Variants in ADAM29 observed in about 807,000 individuals in gnomAD.
ADAM29 encodes the protein disintegrin and metalloproteinase domain-containing protein 29.
For synonymous variants in ADAM29, 367 were observed against 342.3 expected (o/e 1.07, Z -0.80); for missense variants, 969 against 1,001.8 (o/e 0.97, Z 0.44).
intron 4 of ADAM29, among the ~76,000 whole-genome samples, chr4:174,971,504 T>C (rs758863250): frequency 8.5e-5 from 13 of 152,216 alleles, no homozygotes; most frequent in Non-Finnish European, 1.5e-4. Flanking sequence ...GCAGTTTCTT[T>C]TCTTTTAGAA....
intron 4 of ADAM29, among the ~76,000 whole-genome samples, chr4:174,957,491 G>A (rs1238971890): frequency 6.6e-6 from 1 of 151,814 alleles, no homozygotes; most frequent in African/African-American, 2.4e-5. Context: ...TACCATTTCA[G>A]GGACAAACTG....
At chr4:174,973,261 T>A (rs1560893143) in intron 4 of ADAM29, among the ~76,000 whole-genome samples, 1 of 152,182 alleles carries the variant, frequency 6.6e-6, no homozygotes, top group Non-Finnish European at 1.5e-5. Flanking sequence ...TTTAAAAATT[T>A]TGGAGTACTG....
chr4:174,943,401 T>C (rs1318769772), intron 4 of ADAM29, among the ~76,000 whole-genome samples: 1 of 152,202 alleles, frequency 6.6e-6, no homozygotes, highest in African/African-American at 2.4e-5. Context: ...GTAATTTATT[T>C]TTAAAAAGAA....
chr4:174,965,133 A>G (rs1326769500), intron 4 of ADAM29, among the ~76,000 whole-genome samples: 1 of 152,162 alleles, frequency 6.6e-6, no homozygotes, highest in Non-Finnish European at 1.5e-5. Context: ...TATAAAGAAA[A>G]GAGGTTTATT....
At position 174,944,743 on chromosome 4, in the gene ADAM29, C is replaced by T. The variant is rs556005930; in HGVS notation, c.-181+7730C>T. Reference sequence around the variant, plus strand: ...TCTATCCTTTGTGTCCATGTGTACTCGATGTTTAGCTCCCACTTATAAGTG... The same window carrying T: ...TCTATCCTTTGTGTCCATGTGTACTTGATGTTTAGCTCCCACTTATAAGTG... On this transcript the variant is annotated intron_variant, in intron 4 of 4. Coordinates refer to ENST00000359240, the MANE Select transcript of ADAM29 (RefSeq NM_014269.4). Among the ~76,000 whole-genome samples the T allele has an allele frequency of 2.1e-4, 32 of 152,246 alleles. No homozygotes were observed. In the East Asian group the frequency reaches 3.5e-3, roughly 17 times the overall value.
intron 4 of ADAM29, among the ~76,000 whole-genome samples, chr4:174,949,229 C>G (rs1009823973): frequency 6.6e-6 from 1 of 152,106 alleles, no homozygotes; most frequent in African/African-American, 2.4e-5. Flanking sequence ...CTGCTCTGCT[C>G]TGTCCAGGTC....
At chr4:174,957,219 T>G (rs1745557617) in intron 4 of ADAM29, among the ~76,000 whole-genome samples, 1 of 151,892 alleles carries the variant, frequency 6.6e-6, no homozygotes, top group African/African-American at 2.4e-5. Context: ...TGTATTCTTT[T>G]GTGTTATGAA....
chr4:174,962,001 ACATT>A (rs1306339688), intron 4 of ADAM29, among the ~76,000 whole-genome samples: 4 of 152,158 alleles, frequency 2.6e-5, no homozygotes, highest in Admixed American at 2.0e-4. Context: ...TTTTATAGAA[ACATT>A]CATAGCAAGT....
At position 174,975,422 on chromosome 4, in the gene ADAM29, A is replaced by G. The variant is rs1187728932; in HGVS notation, c.-104A>G. ...AGCACTACACACTGACCAACTCAGA[A>G]GAAGGAGCCACACCACCTGTGACTC... On this transcript the variant is annotated 5_prime_UTR_variant, in exon 5 of 5. Transcript: ENST00000359240. 14 of 1,205,264 alleles carry G rather than the reference A, an allele frequency of 1.2e-5. No individual in the cohort carries two copies. Among genetic ancestry groups the G allele is most frequent in the Non-Finnish European group, 1.6e-5 (14 of 888,468 alleles). 74.7% of individuals were successfully genotyped at this position (1,205,264 alleles called of 1,614,324 possible). A position where few individuals can be genotyped will look rare whatever the true frequency, so the allele number is the denominator to read the frequency against.
chr4:174,922,042 T>C (rs956542474), intron 2 of ADAM29, among the ~76,000 whole-genome samples: 5 of 152,218 alleles, frequency 3.3e-5, no homozygotes, highest in Admixed American at 6.5e-5. Context: ...ATGATTCTTT[T>C]TAACCTTTGG....
At position 174,977,661 on chromosome 4, in the gene ADAM29, T is replaced by C; in HGVS notation, c.2136T>C (p.Thr712=). Residue 712 remains threonine, a synonymous_variant, in exon 5 of 5, where the codon ACT becomes ACC. Transcript: ENST00000359240. Reference sequence around the variant, plus strand: ...TAAAAAAGCAGCAAGATGTTCAAACTCCATCTGCAAAAGAAGAGGAAAAAA... The same window carrying C: ...TAAAAAAGCAGCAAGATGTTCAAACCCCATCTGCAAAAGAAGAGGAAAAAA... ...KPIKKQQDVQ[T]PSAKEEEKIQ... 1 of 1,614,236 alleles carries C rather than the reference T, an allele frequency of 6.2e-7. No individual in the cohort carries two copies.
rs1746857241 is a variant in ADAM29 at position 174,976,984 on chromosome 4, T to C, written c.1459T>C (p.Cys487Arg). The change falls in exon 5 of 5, where the codon TGT becomes CGT. Residue 487 changes from cysteine to arginine, a missense_variant. Transcript: ENST00000359240. ...DDFYVEDGIP[C>R]KERGYCYEKS... ...CTTTTATGTGGAAGATGGAATTCCC[T>C]GTAAGGAGAGGGGCTACTGCTATGA... 6.2e-7 allele frequency: 1 copy of C among 1,614,126 alleles called. No homozygotes were observed. Among genetic ancestry groups the C allele is most frequent in the Non-Finnish European group, 8.5e-7 (1 of 1,180,016 alleles).
Position 174,976,705 on chromosome 4 carries a change from A to T in ADAM29, c.1180A>T (p.Ile394Phe), listed in dbSNP as rs1475815596. Reference sequence around the variant, plus strand: ...GCTTGAAACAGTACACACAAAGGACATCTTTAATGTGAAGCGCTGTGGGAA... The same window carrying T: ...GCTTGAAACAGTACACACAAAGGACTTCTTTAATGTGAAGCGCTGTGGGAA... The part of the protein sequence containing the change: ...CLLETVHTKD[I>F]FNVKRCGNGV... Residue 394 changes from isoleucine to phenylalanine, a missense_variant, in exon 5 of 5, where the codon ATC becomes TTC. Physicochemically the swap from Ile to Phe is conservative, Grantham distance 21. Coordinates refer to ENST00000359240, the MANE Select transcript of ADAM29 (RefSeq NM_014269.4). 2 of 1,614,076 alleles carry T rather than the reference A, an allele frequency of 1.2e-6. No individual in the cohort carries two copies. Among genetic ancestry groups the T allele is most frequent in the South Asian group, 1.1e-5 (1 of 91,064 alleles).
chr4:174,954,014 C>A (rs1184161989), intron 4 of ADAM29, among the ~76,000 whole-genome samples: 1 of 152,066 alleles, frequency 6.6e-6, no homozygotes, highest in African/African-American at 2.4e-5. Context: ...GCCTGGCCCC[C>A]ATCTTTATTA....
At chr4:174,949,034 G>A (rs1005279407) in intron 4 of ADAM29, among the ~76,000 whole-genome samples, 5 of 152,138 alleles carry the variant, frequency 3.3e-5, no homozygotes, top group African/African-American at 1.2e-4. Flanking sequence ...GTAAGGATTA[G>A]TCTGCTGGAG....
chr4:174,928,474 C>T (rs766378969), intron 2 of ADAM29, among the ~76,000 whole-genome samples: 8 of 148,056 alleles, frequency 5.4e-5, no homozygotes, highest in Non-Finnish European at 1.2e-4. Flanking sequence ...ATGTCACAAA[C>T]GACTGCATTG....
intron 4 of ADAM29, among the ~76,000 whole-genome samples, chr4:174,947,310 T>TTCC (rs1744913198): frequency 6.6e-6 from 1 of 152,188 alleles, no homozygotes; most frequent in Non-Finnish European, 1.5e-5. Context: ...TGGTTTGCTA[T>TTCC]TATTTTCCTA....
chr4:174,918,903 C>G (rs1743018844), intron 1 of ADAM29: 1 of 152,146 alleles, frequency 6.6e-6, no homozygotes, highest in African/African-American at 2.4e-5. Context: ...TATTTTACAG[C>G]TGTAAATCTG....
intron 3 of ADAM29, among the ~76,000 whole-genome samples, chr4:174,932,384 A>G (rs11133062): frequency 0.4 from 60,789 of 152,116 alleles, 13,751 homozygotes; most frequent in East Asian, 0.67. Context: ...TTCTTAGTTT[A>G]TAACTTCAAA....
Sources: gnomAD v4.1 joint callset for allele counts (sites outside exome capture counted in the v4.1 genomes callset) on GRCh38, gnomAD v4.1.1 for gene constraint, MANE v1.5 for transcripts, NCBI Gene and HGNC (gene_info 2026-07-23, HGNC 2026-07-21) for gene names.